The following NABP2 variants were observed in gnomAD, a reference collection of about 807,000 sequenced individuals.
NABP2 encodes nucleic acid binding protein 2.
NABP2 carries 7 observed loss-of-function variants against 22.7 expected under a neutral mutation model. The ratio of observed to expected loss-of-function variants is 0.31; its 90% CI spans 0.18 to 0.58. The LOEUF is 0.58. NABP2 is among the 20% of genes least tolerant of loss of function. The pLI is 0.89. For missense variants in NABP2, 188 were observed against 265.9 expected, an observed-to-expected ratio of 0.71 and a Z score of 2.04; for synonymous variants, 107 against 99.2, an observed-to-expected ratio of 1.08 and a Z score of -0.47.
At chr12:56,225,270 C>A in intron 2 of NABP2, 103 bp from the exon 3 acceptor site, 1 of 1,488,748 alleles carries the variant, frequency 6.7e-7, no homozygotes, top group South Asian at 1.2e-5. Context: ...CCTGTTTGTA[C>A]ACCTTTTCCC....
Position 56,229,064 on chromosome 12 carries a change from G to A in NABP2, c.487G>A (p.Gly163Ser), listed in dbSNP as rs749415116. 4.3e-6 allele frequency: 7 copies of A among 1,612,854 alleles called. No individual in the cohort carries two copies. The highest frequency in any genetic ancestry group is 1.3e-5 in the African/African-American group (1 of 74,860). ...ACTGAGTGCCCCACCAGGTCCCGGT[G>A]GTGGCCCACATCCCCCTCATACTCC... Reference protein sequence around the residue: ...NGLSAPPGPGGGPHPPHTPSH... With the variant: ...NGLSAPPGPGSGPHPPHTPSH... The change falls in exon 7 of 7, where the codon GGT becomes AGT. Residue 163 changes from glycine to serine, a missense_variant. Coordinates refer to ENST00000267023, the MANE Select transcript of NABP2 (RefSeq NM_024068.4).
chr12:56,225,384 A>G lies in NABP2; in HGVS notation c.91A>G (p.Lys31Glu). 6.2e-7 allele frequency: 1 copy of G among 1,614,196 alleles called. No individual in the cohort carries two copies. Among genetic ancestry groups the G allele is most frequent in the Non-Finnish European group, 8.5e-7 (1 of 1,180,044 alleles). Residue 31 changes from lysine to glutamate, a missense_variant, in exon 3 of 7, where the codon AAG (lysine) becomes GAG (glutamate). By Grantham distance (56) the Lys-to-Glu change is moderately conservative. Coordinates refer to ENST00000267023, the MANE Select transcript of NABP2 (RefSeq NM_024068.4). ...TCTGTTCCGTTCAGGCCGAGTGACC[A>G]AGACAAAGGACGGGCATGAGGTTCG... ...FIVLETGRVT[K>E]TKDGHEVRTC... is the part of the protein sequence containing the mutation.
chr12:56,225,615 C>A lies in NABP2; in HGVS notation c.219-9C>A, dbSNP rs750777581. 12 of 1,613,944 alleles carry A rather than the reference C, an allele frequency of 7.4e-6. No individual in the cohort carries two copies. The highest frequency in any genetic ancestry group is 1.0e-5 in the Non-Finnish European group (12 of 1,180,022). The stretch of plus-strand genomic sequence containing the variant: ...GAGTACTGAATTTTGCTTTTTTTGC[C>A]TCCCATAGGTACGCTTCAGTTTTCA... On this transcript the variant is annotated splice_polypyrimidine_tract_variant and intron_variant, in intron 3 of 6. Transcript: ENST00000267023.
At chr12:56,227,616 A>C (rs1462728266) in intron 6 of NABP2, among the ~76,000 whole-genome samples, 4 of 152,182 alleles carry the variant, frequency 2.6e-5, no homozygotes, top group African/African-American at 9.7e-5. Flanking sequence ...CAGAGTTGTG[A>C]GAGCTCAAAC....
chr12:56,224,285 C>T (rs983840895), upstream of NABP2: 3 of 977,402 alleles, frequency 3.1e-6, no homozygotes, highest in African/African-American at 5.3e-5. Context: ...CAGGGCGCGC[C>T]CGGGCGGTGC....
chr12:56,229,368 C>T lies in NABP2; in HGVS notation c.*155C>T, dbSNP rs1433734795. 3 of 722,020 alleles carry T rather than the reference C, an allele frequency of 4.2e-6. No homozygotes were observed. The highest frequency in any genetic ancestry group is 5.1e-5 in the Admixed American group (2 of 39,318). The allele number at this position is 722,020 out of a possible 1,614,324, so 44.7% of individuals were successfully genotyped here. The stretch of plus-strand genomic sequence containing the variant: ...TCCTTATCCACCCTAATCTCATACT[C>T]CCTCATTGTCCAGCTGAACTACCTG... On this transcript the variant is annotated 3_prime_UTR_variant, in exon 7 of 7. Transcript: ENST00000267023.
At chr12:56,228,574 G>C in intron 6 of NABP2, among the ~76,000 whole-genome samples, 1 of 151,946 alleles carries the variant, frequency 6.6e-6, no homozygotes, top group East Asian at 1.9e-4. Flanking sequence ...TTTTAGTAGA[G>C]ACGGGGTTTC....
chr12:56,225,419 A>G lies in NABP2; in HGVS notation c.126A>G (p.Lys42=). The G allele has an allele frequency of 6.2e-7, 1 of 1,614,170 alleles. No individual in the cohort carries two copies. The highest frequency in any genetic ancestry group is 1.1e-5 in the South Asian group (1 of 91,082). The change falls in exon 3 of 7, where the codon AAA becomes AAG. Residue 42 remains lysine (K), a synonymous_variant. Transcript: ENST00000267023. The stretch of plus-strand genomic sequence containing the variant: ...ACGGGCATGAGGTTCGGACCTGCAA[A>G]GTGGCGGACAAAACAGGCAGCATCA... ...TKDGHEVRTC[K]VADKTGSINI... is the part of the protein sequence containing the mutation.
At chr12:56,227,838 A>G (rs544554450) in intron 6 of NABP2, among the ~76,000 whole-genome samples, 146 of 152,308 alleles carry the variant, frequency 9.6e-4, no homozygotes, top group Non-Finnish European at 1.5e-3. Flanking sequence ...TAAAAAATAA[A>G]TATTTATATA....
chr12:56,229,211 T>C lies in NABP2; in HGVS notation c.634T>C (p.Ter212GlnextTer24), dbSNP rs924228241. 4.3e-6 allele frequency: 7 copies of C among 1,611,064 alleles called. No homozygotes were observed. The highest frequency in any genetic ancestry group is 1.3e-5 in the African/African-American group (1 of 74,656). Residue 212 changes from the stop codon to glutamine, a stop_lost, in exon 7 of 7, where the codon TAG becomes CAG. Transcript: ENST00000267023. ...AGAAACCCGGAGGAGCAGCAAGAGA[T>C]AGCATGACATTCTTTCTTCCTGCCA... ...GKETRRSSKR[*>Q]
At chr12:56,222,748 T>C (rs1428827844), upstream of NABP2, among the ~76,000 whole-genome samples, 4 of 152,200 alleles carry the variant, frequency 2.6e-5, no homozygotes, top group Non-Finnish European at 5.9e-5. Context: ...AGTATGGTAT[T>C]TATTGTGGAC....
At chr12:56,225,761 A>C in intron 4 of NABP2, 66 bp downstream of exon 4, 1 of 1,503,600 alleles carries the variant, frequency 6.7e-7, no homozygotes. Context: ...AGGAGGCAGC[A>C]TAGGGTGTGC....
chr12:56,229,087 T>TTGCCCCGCCC lies in NABP2; in HGVS notation c.510_511insTGCCCCGCCC (p.Pro171CysfsTer33). On this transcript the variant is annotated frameshift_variant, in exon 7 of 7. Coordinates refer to ENST00000267023, the MANE Select transcript of NABP2 (RefSeq NM_024068.4). LOFTEE classifies it high-confidence loss of function. ...GTGGTGGCCCACATCCCCCTCATAC[T>TTGCCCCGCCC]CCCTCCCACCCACCCAGCACCCGAA... The TTGCCCCGCCC allele has an allele frequency of 6.6e-7, 1 of 1,512,342 alleles. No homozygotes were observed. Among genetic ancestry groups the TTGCCCCGCCC allele is most frequent in the Non-Finnish European group, 9.1e-7 (1 of 1,102,010 alleles). The allele number at this position is 1,512,342 out of a possible 1,614,324, so 93.7% of individuals were successfully genotyped here.
intron 6 of NABP2, 92 bp from the exon 7 acceptor site, chr12:56,228,922 T>C: frequency 1.7e-6 from 2 of 1,185,696 alleles, no homozygotes; most frequent in East Asian, 2.5e-5. Context: ...TGGTGAAGAC[T>C]GTGCCACTCT....
rs1375677563 is a variant in NABP2 at position 56,224,382 on chromosome 12, AGCCTGTG to A, written c.-80_-74del. 1.8e-5 allele frequency: 18 copies of A among 990,206 alleles called. No individual in the cohort carries two copies. The highest frequency in any genetic ancestry group is 2.0e-5 in the Non-Finnish European group (17 of 831,914). 61.3% of individuals were successfully genotyped at this position (990,206 alleles called of 1,614,324 possible). On this transcript the variant is annotated 5_prime_UTR_variant, in exon 1 of 7. Coordinates refer to ENST00000267023, the MANE Select transcript of NABP2 (RefSeq NM_024068.4). ...ACGGGGCAGCATCCGGCGGCAGCGG[AGCCTGTG>A]GCTCCCCCTGCGGGCTGCTCAGCGG...
chr12:56,225,781 C>A, intron 4 of NABP2, 86 bp downstream of exon 4: 1 of 1,324,908 alleles, frequency 7.5e-7, no homozygotes, highest in Non-Finnish European at 1.1e-6. Flanking sequence ...CAGTCCAAGC[C>A]TCATTTCTGG....
rs1047588396 is a variant in NABP2 at position 56,229,364 on chromosome 12, T to C, written c.*151T>C. On this transcript the variant is annotated 3_prime_UTR_variant, in exon 7 of 7. Coordinates refer to ENST00000267023, the MANE Select transcript of NABP2 (RefSeq NM_024068.4). ...AGTGTCCTTATCCACCCTAATCTCATACTCCCTCATTGTCCAGCTGAACTA... is the reference window on the plus strand; with the variant it reads ...AGTGTCCTTATCCACCCTAATCTCACACTCCCTCATTGTCCAGCTGAACTA... 3.9e-5 allele frequency: 29 copies of C among 743,394 alleles called. No homozygotes were observed. Among genetic ancestry groups the C allele is most frequent in the Non-Finnish European group, 6.4e-5 (29 of 452,148 alleles). The allele number at this position is 743,394 out of a possible 1,614,324, so 46.0% of individuals were successfully genotyped here. A position where few individuals can be genotyped will look rare whatever the true frequency, so the allele number is the denominator to read the frequency against.
Position 56,229,396 on chromosome 12 carries a change from C to T in NABP2, c.*183C>T. Reference sequence around the variant, plus strand: ...TCATTGTCCAGCTGAACTACCTGTCCCCTGGGAGTCAGGACCCTCTGCCTG... The same window carrying T: ...TCATTGTCCAGCTGAACTACCTGTCTCCTGGGAGTCAGGACCCTCTGCCTG... On this transcript the variant is annotated 3_prime_UTR_variant, in exon 7 of 7. Coordinates refer to ENST00000267023, the MANE Select transcript of NABP2 (RefSeq NM_024068.4). The T allele has an allele frequency of 1.6e-6, 1 of 641,964 alleles. No individual in the cohort carries two copies. The highest frequency in any genetic ancestry group is 2.8e-5 in the Admixed American group (1 of 35,638). 39.8% of individuals were successfully genotyped at this position (641,964 alleles called of 1,614,324 possible).
chr12:56,229,087 T>TTGCCACCCC lies in NABP2; in HGVS notation c.510_511insTGCCACCCC (p.Thr170_Pro171insCysHisPro). On this transcript the variant is annotated inframe_insertion, in exon 7 of 7. Coordinates refer to ENST00000267023, the MANE Select transcript of NABP2 (RefSeq NM_024068.4). ...GTGGTGGCCCACATCCCCCTCATACTCCCTCCCACCCACCCAGCACCCGAA... is the reference window on the plus strand; with the variant it reads ...GTGGTGGCCCACATCCCCCTCATACTTGCCACCCCCCCTCCCACCCACCCAGCACCCGAA... 11 of 1,512,302 alleles carry TTGCCACCCC rather than the reference T, an allele frequency of 7.3e-6. No homozygotes were observed. Among genetic ancestry groups the TTGCCACCCC allele is most frequent in the African/African-American group, 1.4e-5 (1 of 70,800 alleles). The allele number at this position is 1,512,302 out of a possible 1,614,324, so 93.7% of individuals were successfully genotyped here. A position where few individuals can be genotyped will look rare whatever the true frequency, so the allele number is the denominator to read the frequency against.
Sources: allele counts gnomAD v4.1 joint callset (sites outside exome capture counted in the v4.1 genomes callset), GRCh38; gene constraint gnomAD v4.1.1; transcripts MANE v1.5; gene names NCBI Gene and HGNC (gene_info 2026-07-23, HGNC 2026-07-21).